Variants in PTPRM observed in about 807,000 individuals in gnomAD.
PTPRM encodes the protein receptor-type tyrosine-protein phosphatase mu.
Under a neutral mutation model 186.7 loss-of-function variants are expected in PTPRM, and 47 were observed. The observed-to-expected ratio is 0.25, with a 90% CI of 0.20 to 0.32. The LOEUF (loss-of-function observed/expected upper bound fraction) is 0.32, where lower values mean the gene tolerates loss of function less well. PTPRM is among the 10% of genes least tolerant of loss of function. The pLI, the probability that PTPRM is intolerant of heterozygous loss-of-function variation, is 1.00. For missense variants in PTPRM, 1,494 were observed against 1,865.0 expected (o/e 0.80, Z 3.66); for synonymous variants, 668 against 674.9 (o/e 0.99, Z 0.16).
rs533789359 is a variant in PTPRM, at chr18:8,199,455, G to A, written c.2301-44603G>A. ...AAAGGATAGTGCGCTGTGTCTGCCG[G>A]TCAGCAGAGCTCTTTGATGATATTA... On this transcript the variant is annotated intron_variant, in intron 14 of 32. Coordinates refer to ENST00000580170, the MANE Select transcript of PTPRM (RefSeq NM_001105244.2). Among the ~76,000 whole-genome samples, 9 of 152,266 alleles carry A rather than the reference G, an allele frequency of 5.9e-5. No homozygotes were observed. The East Asian group carries it at 1.7e-3, about 29-fold the overall frequency.
intron 25 of PTPRM, 28 bp from the exon 26 acceptor site, chr18:8,376,434 C>G: frequency 6.2e-7 from 1 of 1,613,898 alleles, no homozygotes; most frequent in Non-Finnish European, 8.5e-7. Flanking sequence ...CCTTCTTCCT[C>G]CACTGACAGA....
chr18:7,759,081 A>T (rs2041645736), intron 1 of PTPRM, among the ~76,000 whole-genome samples: 1 of 152,200 alleles, frequency 6.6e-6, no homozygotes, highest in African/African-American at 2.4e-5. Context: ...CACACATTTG[A>T]TCATTGGTTT....
chr18:8,086,349 G>GCC (rs2090434259), intron 10 of PTPRM, among the ~76,000 whole-genome samples: 1 of 152,110 alleles, frequency 6.6e-6, no homozygotes, highest in South Asian at 2.1e-4. Flanking sequence ...GGAACTGAGG[G>GCC]CCTCCAGCTT....
At chr18:8,152,149 C>T (rs2093023911) in intron 14 of PTPRM, among the ~76,000 whole-genome samples, 1 of 152,118 alleles carries the variant, frequency 6.6e-6, no homozygotes, top group Non-Finnish European at 1.5e-5. Flanking sequence ...GTTCAATACT[C>T]CTTTAAAATT....
intron 7 of PTPRM, among the ~76,000 whole-genome samples, chr18:7,979,892 G>T (rs958702378): frequency 1.3e-5 from 2 of 152,046 alleles, no homozygotes; most frequent in South Asian, 4.2e-4. Flanking sequence ...GAGGGTGAGG[G>T]GCCACCTTGT....
intron 13 of PTPRM, among the ~76,000 whole-genome samples, chr18:8,136,103 C>G (rs2092631754): frequency 6.6e-6 from 1 of 152,162 alleles, no homozygotes; most frequent in Admixed American, 6.5e-5. Context: ...ATTTTAATGC[C>G]TTCAAAGTTT....
At chr18:7,812,538 C>A (rs965950407) in intron 2 of PTPRM, among the ~76,000 whole-genome samples, 1 of 152,122 alleles carries the variant, frequency 6.6e-6, no homozygotes, top group Non-Finnish European at 1.5e-5. Flanking sequence ...GAATCTCCTG[C>A]AGCTATTTAT....
chr18:8,288,760 G>A (rs1055388786), intron 19 of PTPRM, among the ~76,000 whole-genome samples: 3 of 152,094 alleles, frequency 2.0e-5, no homozygotes, highest in Non-Finnish European at 4.4e-5. Flanking sequence ...CTTCATTAGC[G>A]GGAGCTGACT....
At chr18:8,392,750 G>A (rs1199109033) in intron 31 of PTPRM, among the ~76,000 whole-genome samples, 2 of 152,096 alleles carry the variant, frequency 1.3e-5, no homozygotes, top group Admixed American at 6.5e-5. Flanking sequence ...AACAGGCTGG[G>A]GACTTGTCAG....
At chr18:7,749,795 C>A (rs2041125326) in intron 1 of PTPRM, among the ~76,000 whole-genome samples, 1 of 152,198 alleles carries the variant, frequency 6.6e-6, no homozygotes, top group Non-Finnish European at 1.5e-5. Context: ...TCTTGAAAAA[C>A]CAAAAATCTT....
intron 7 of PTPRM, among the ~76,000 whole-genome samples, chr18:8,036,360 T>A (rs956623516): frequency 2.0e-5 from 3 of 152,232 alleles, no homozygotes; most frequent in Non-Finnish European, 4.4e-5. Context: ...TTTATAGAGG[T>A]GCTTATGCGT....
intron 23 of PTPRM, among the ~76,000 whole-genome samples, chr18:8,354,553 T>G (rs928057199): frequency 6.6e-6 from 1 of 152,208 alleles, no homozygotes; most frequent in Non-Finnish European, 1.5e-5. Flanking sequence ...CTGCTAAATG[T>G]TTCACAAGCC....
chr18:8,217,948 C>G (rs1238198383), intron 14 of PTPRM, among the ~76,000 whole-genome samples: 1 of 152,084 alleles, frequency 6.6e-6, no homozygotes, highest in Non-Finnish European at 1.5e-5. Context: ...ATACAATCTG[C>G]TTGGCACATT....
Position 8,317,020 on chromosome 18 carries a change from G to T in PTPRM, c.2920-2158G>T, listed in dbSNP as rs367697797. 9.8e-5 allele frequency among the ~76,000 whole-genome samples: 15 copies of T among 152,314 alleles called. No homozygotes were observed. In the East Asian group the frequency reaches 2.5e-3, roughly 26 times the overall value. The stretch of plus-strand genomic sequence containing the variant: ...GCGGAGTTCCATGATATGGGGAGAG[G>T]TCATGGGCCAGGTCAGGTCCACAGT... On this transcript the variant is annotated intron_variant, in intron 21 of 32. Coordinates refer to ENST00000580170, the MANE Select transcript of PTPRM (RefSeq NM_001105244.2).
At chr18:7,818,251 G>A (rs2044962281) in intron 2 of PTPRM, among the ~76,000 whole-genome samples, 1 of 152,144 alleles carries the variant, frequency 6.6e-6, no homozygotes, top group African/African-American at 2.4e-5. Flanking sequence ...TAATAGTTAA[G>A]AAACTAGTAT....
intron 14 of PTPRM, among the ~76,000 whole-genome samples, chr18:8,214,717 G>T (rs910346008): frequency 6.6e-6 from 1 of 152,140 alleles, no homozygotes; most frequent in Non-Finnish European, 1.5e-5. Flanking sequence ...AGGCTGGAGT[G>T]CAATGGCGCA....
chr18:7,996,390 A>T (rs1034766424), intron 7 of PTPRM, among the ~76,000 whole-genome samples: 2 of 152,106 alleles, frequency 1.3e-5, no homozygotes, highest in African/African-American at 4.8e-5. Flanking sequence ...GAACTTGGAC[A>T]TACCTCAGAA....
At chr18:8,280,265 A>G (rs1166681937) in intron 19 of PTPRM, among the ~76,000 whole-genome samples, 12 of 152,090 alleles carry the variant, frequency 7.9e-5, no homozygotes, top group Non-Finnish European at 1.8e-4. Flanking sequence ...TAAAAAGGAC[A>G]CCAGTCATAT....
chr18:7,926,500 A>T, intron 4 of PTPRM, 68 bp from the exon 5 acceptor site: 1 of 1,237,528 alleles, frequency 8.1e-7, no homozygotes, highest in South Asian at 1.7e-5. Flanking sequence ...TTTCAGATAG[A>T]TTGAAGAAGA....
Sources: allele counts gnomAD v4.1 joint callset (sites outside exome capture counted in the v4.1 genomes callset), GRCh38; gene constraint gnomAD v4.1.1; transcripts MANE v1.5; gene names NCBI Gene and HGNC (gene_info 2026-07-23, HGNC 2026-07-21).